Variants in ANKRD35 observed in about 807,000 individuals in gnomAD.
ANKRD35 encodes ankyrin repeat domain 35, also known as ankyrin repeat domain-containing protein 35.
ANKRD35 carries 102 observed loss-of-function variants against 109.9 expected under a neutral mutation model. That is an observed-to-expected ratio of 0.93 (90% CI 0.79 to 1.09). ANKRD35 has a LOEUF of 1.09. Ranked by LOEUF, ANKRD35 falls within the 50% of genes least tolerant of loss-of-function variation. The pLI, the probability that ANKRD35 is intolerant of heterozygous loss-of-function variation, is 0.00. For synonymous variants in ANKRD35, 515 were observed against 512.4 expected (o/e 1.01, Z -0.07); for missense variants, 1,240 against 1,230.1 (o/e 1.01, Z -0.12).
intron 10 of ANKRD35, 29 bp from the exon 11 acceptor site, chr1:145,868,429 T>C (rs1553738081): frequency 6.2e-6 from 10 of 1,604,294 alleles, no homozygotes; most frequent in Middle Eastern, 1.7e-4. Context: ...AGGCAACCAA[T>C]GAGGCTCCAA....
At position 145,879,322 on chromosome 1, in the gene ANKRD35, C is replaced by G. The variant is rs781839388; in HGVS notation, c.106G>C (p.Val36Leu). The part of the protein sequence containing the change: ...EAVHRGDVGR[V>L]AALASRKSAR... ...GATTTCCTGGAGGCCAGGGCAGCCA[C>G]GCGTCCCACATCCCCCCTGTGCACT... is the stretch of plus-strand genomic sequence containing the variant. Residue 36 changes from valine (V) to leucine (L), a missense_variant, in exon 2 of 14, where the codon GTG becomes CTG. Val to Leu is a conservative substitution (Grantham distance 32). Transcript: ENST00000355594. 10 of 1,611,294 alleles carry G rather than the reference C, an allele frequency of 6.2e-6. No homozygotes were observed. In the South Asian group the frequency reaches 9.9e-5, roughly 16 times the overall value.
At chr1:145,880,058 G>A (rs2101716351) in intron 1 of ANKRD35, among the ~76,000 whole-genome samples, 1 of 152,248 alleles carries the variant, frequency 6.6e-6, no homozygotes. Flanking sequence ...AAGGCAAAGA[G>A]GTTTCTAGTT....
chr1:145,874,176 C>T lies in ANKRD35; in HGVS notation c.762G>A (p.Gln254=). The change falls in exon 9 of 14, where the codon CAG becomes CAA. Residue 254 remains glutamine (Q), a synonymous_variant. Transcript: ENST00000355594. ...RRRRGGQRLV[Q]HPDLASQASP... Reference sequence around the variant, plus strand: ...TTACCTGGGATGCGAGATCTGGGTGCTGGACTAGCCTCTGACCTATAAGAA... The same window carrying T: ...TTACCTGGGATGCGAGATCTGGGTGTTGGACTAGCCTCTGACCTATAAGAA... The T allele has an allele frequency of 6.2e-7, 1 of 1,614,092 alleles. No homozygotes were observed. Among genetic ancestry groups the T allele is most frequent in the South Asian group, 1.1e-5 (1 of 91,066 alleles).
In ANKRD35 at chr1:145,876,239, C is replaced by T. The variant is rs782367170; in HGVS notation, c.461G>A (p.Arg154His). The part of the protein sequence containing the change: ...AFLDVLDNDG[R>H]TPLMIASLGG... ...CAGCGATGCGATCATCAGGGGTGTA[C>T]GTCCATCCTGCACAGATTGTAGGAA... The change falls in exon 7 of 14, where the codon CGT becomes CAT. Residue 154 changes from arginine to histidine, a missense_variant. Coordinates refer to ENST00000355594, the MANE Select transcript of ANKRD35 (RefSeq NM_144698.5). 34 of 1,613,252 alleles carry T rather than the reference C, an allele frequency of 2.1e-5. No homozygotes were observed. Among genetic ancestry groups the T allele is most frequent in the Admixed American group, 1.8e-4 (11 of 59,930 alleles).
rs1047115469 is a variant in ANKRD35 at position 145,877,296 on chromosome 1, G to A, written c.325-423C>T. On this transcript the variant is annotated intron_variant, in intron 4 of 13. Coordinates refer to ENST00000355594, the MANE Select transcript of ANKRD35 (RefSeq NM_144698.5). Reference sequence around the variant, plus strand: ...TGCCCAGACTGGAGTGCAGTGGTGCGATCTTGGATCACTGCAACCTCCGCC... The same window carrying A: ...TGCCCAGACTGGAGTGCAGTGGTGCAATCTTGGATCACTGCAACCTCCGCC... Among the ~76,000 whole-genome samples, 12 of 150,480 alleles carry A rather than the reference G, an allele frequency of 8.0e-5. No homozygotes were observed. The South Asian group carries it at 8.4e-4, about 11-fold the overall frequency.
rs1553740449 is a variant in ANKRD35, at chr1:145,878,009, T to C, written c.283A>G (p.Thr95Ala). Residue 95 changes from threonine to alanine, a missense_variant, in exon 4 of 14, where the codon ACC (threonine) becomes GCC (alanine). Coordinates refer to ENST00000355594, the MANE Select transcript of ANKRD35 (RefSeq NM_144698.5). ...ACACACTGTGGCTGGCAGGAGATGG[T>C]GGCCAAGTGTAGGGCAGTGCTTCCT... ...EDGSTALHLA[T>A]ISCQPQCVKV... 2 of 1,613,896 alleles carry C rather than the reference T, an allele frequency of 1.2e-6. No homozygotes were observed. Among genetic ancestry groups the C allele is most frequent in the African/African-American group, 2.7e-5 (2 of 74,886 alleles).
At chr1:145,885,535 G>A (rs1321841676) in intron 1 of ANKRD35, among the ~76,000 whole-genome samples, 185 bp downstream of exon 1, 2 of 152,134 alleles carry the variant, frequency 1.3e-5, no homozygotes, top group Non-Finnish European at 2.9e-5. Flanking sequence ...GGTGAGCAGG[G>A]CAAGTCAGAA....
At chr1:145,868,486 T>C in intron 10 of ANKRD35, 86 bp from the exon 11 acceptor site, 1 of 1,118,706 alleles carries the variant, frequency 8.9e-7, no homozygotes, top group South Asian at 1.4e-5. Flanking sequence ...TTACTGAGTA[T>C]TTAATATGTG....
In ANKRD35 at chr1:145,873,304, TC is replaced by T; in HGVS notation, c.1464del (p.Met488IlefsTer8). Reference sequence around the variant, plus strand: ...TCCCTTAGTTGAAGCAGAAGCTGGTTCATGGCTGCTGGGCCCACTGGTTCAG... The same window carrying T: ...TCCCTTAGTTGAAGCAGAAGCTGGTTATGGCTGCTGGGCCCACTGGTTCAG... ...TVAEPVGPAAMNQLLLQLREE... is the reference protein window; with the variant it reads ...TVAEPVGPAAXNQLLLQLREE... On this transcript the variant is annotated frameshift_variant, in exon 10 of 14. Transcript: ENST00000355594. LOFTEE classifies it high-confidence loss of function. 3.7e-6 allele frequency: 6 copies of T among 1,614,146 alleles called. No individual in the cohort carries two copies. Among genetic ancestry groups the T allele is most frequent in the Non-Finnish European group, 4.2e-6 (5 of 1,180,008 alleles).
In ANKRD35 at chr1:145,873,505, G is replaced by C; in HGVS notation, c.1264C>G (p.Pro422Ala). The C allele has an allele frequency of 6.2e-7, 1 of 1,614,010 alleles. No individual in the cohort carries two copies. The highest frequency in any genetic ancestry group is 8.5e-7 in the Non-Finnish European group (1 of 1,179,988). Residue 422 changes from proline (P) to alanine (A), a missense_variant, in exon 10 of 14, where the codon CCA (proline) becomes GCA (alanine). Coordinates refer to ENST00000355594, the MANE Select transcript of ANKRD35 (RefSeq NM_144698.5). ...CTCTGGGGTGGCCCCTGTTCTTCTG[G>C]TTGGGACCTTCCATGGACTTCATAC... ...IQYEVHGRSQ[P>A]EEQGPPQSPA...
At chr1:145,869,937 T>C (rs1262804208) in intron 10 of ANKRD35, among the ~76,000 whole-genome samples, 1 of 152,198 alleles carries the variant, frequency 6.6e-6, no homozygotes, top group African/African-American at 2.4e-5. Flanking sequence ...TCCTGGCTAC[T>C]GACCACTAAG....
At position 145,877,189 on chromosome 1, in the gene ANKRD35, G is replaced by A. The variant is rs114363746; in HGVS notation, c.325-316C>T. Among the ~76,000 whole-genome samples, 375 of 151,918 alleles carry A rather than the reference G, an allele frequency of 2.5e-3. 1 individual carries two copies. The highest frequency in any genetic ancestry group is 8.3e-3 in the African/African-American group (344 of 41,400). On this transcript the variant is annotated intron_variant, in intron 4 of 13. Coordinates refer to ENST00000355594, the MANE Select transcript of ANKRD35 (RefSeq NM_144698.5). ...AAATTTGGAAAGGATTAGGAAGAAC[G>A]AAAGTAGAACATCCATTTGCCTGAT...
chr1:145,882,100 G>A (rs1384818149), intron 1 of ANKRD35, among the ~76,000 whole-genome samples: 3 of 149,034 alleles, frequency 2.0e-5, no homozygotes, highest in South Asian at 2.1e-4. Context: ...GACTACAGGC[G>A]CCCGCCACCA....
In ANKRD35 at chr1:145,872,348, G is replaced by T. The variant is rs1553738892; in HGVS notation, c.2421C>A (p.Ile807=). Residue 807 remains isoleucine, a synonymous_variant, in exon 10 of 14, where the codon ATC becomes ATA. Transcript: ENST00000355594. ...QATMSGKSQE[I]GKLKQLLYQA... ...GGTAGAGCAGCTGCTTCAGCTTTCCGATCTCCTGGCTCTTCCCGCTCATCG... is the reference window on the plus strand; with the variant it reads ...GGTAGAGCAGCTGCTTCAGCTTTCCTATCTCCTGGCTCTTCCCGCTCATCG... The T allele has an allele frequency of 1.9e-6, 3 of 1,612,632 alleles. No homozygotes were observed. Among genetic ancestry groups the T allele is most frequent in the Admixed American group, 1.7e-5 (1 of 59,888 alleles).
chr1:145,867,054 T>C (rs1489036319), intron 13 of ANKRD35, among the ~76,000 whole-genome samples: 1 of 152,102 alleles, frequency 6.6e-6, no homozygotes, highest in Non-Finnish European at 1.5e-5. Flanking sequence ...AACCCCTCTT[T>C]TCAGTCTCCA....
chr1:145,874,221 AGAG>A (rs782510566), intron 8 of ANKRD35, 29 bp from the exon 9 acceptor site: 3 of 1,611,716 alleles, frequency 1.9e-6, no homozygotes, highest in Non-Finnish European at 2.5e-6. Context: ...GGAAAATGAG[AGAG>A]AAGACAGGTT....
rs1553740034 is a variant in ANKRD35 at position 145,876,193 on chromosome 1, G to A, written c.507C>T (p.Cys169=). Residue 169 remains cysteine, a synonymous_variant, in exon 7 of 14, where the codon TGC becomes TGT. Transcript: ENST00000355594. ...GGGCGCCTCGCTGCAGCAGCTGTGAGCAGATAGCTGCGTGCCCACCCAGCG... is the reference window on the plus strand; with the variant it reads ...GGGCGCCTCGCTGCAGCAGCTGTGAACAGATAGCTGCGTGCCCACCCAGCG... The part of the protein sequence containing the change: ...IASLGGHAAI[C]SQLLQRGARV... 1 of 1,614,066 alleles carries A rather than the reference G, an allele frequency of 6.2e-7. No individual in the cohort carries two copies. The highest frequency in any genetic ancestry group is 1.7e-5 in the Admixed American group (1 of 60,014).
At chr1:145,876,435 G>A in intron 6 of ANKRD35, 134 bp downstream of exon 6, 1 of 1,180,194 alleles carries the variant, frequency 8.5e-7, no homozygotes, top group South Asian at 1.3e-5. Flanking sequence ...AGGAAGAAGA[G>A]GAGAAGCAGG....
At position 145,867,291 on chromosome 1, in the gene ANKRD35, G is replaced by A. The variant is rs1653639421; in HGVS notation, c.*39C>T. The A allele has an allele frequency of 1.9e-6, 3 of 1,594,084 alleles. No individual in the cohort carries two copies. The highest frequency in any genetic ancestry group is 1.7e-6 in the Non-Finnish European group (2 of 1,162,384). On this transcript the variant is annotated 3_prime_UTR_variant, in exon 13 of 14. Coordinates refer to ENST00000355594, the MANE Select transcript of ANKRD35 (RefSeq NM_144698.5). Reference sequence around the variant, plus strand: ...CACCCTTAACCCACAACTCACAACAGAGAATCTCGTATCCCTGAGGGCACA... The same window carrying A: ...CACCCTTAACCCACAACTCACAACAAAGAATCTCGTATCCCTGAGGGCACA...
Sources: allele counts gnomAD v4.1 joint callset (sites outside exome capture counted in the v4.1 genomes callset), GRCh38; gene constraint gnomAD v4.1.1; transcripts MANE v1.5; gene names NCBI Gene and HGNC (gene_info 2026-07-23, HGNC 2026-07-21).